The following CPQ variants were observed in gnomAD, a reference collection of about 807,000 sequenced individuals.
The protein encoded by CPQ is carboxypeptidase Q.
Under a neutral mutation model 45.7 loss-of-function variants are expected in CPQ, and 37 were observed. That is an observed-to-expected ratio of 0.81 (90% CI 0.62 to 1.07). The LOEUF is 1.07. Ranked by LOEUF, CPQ falls within the 50% of genes least tolerant of loss-of-function variation. CPQ has a pLI of 0.00. For synonymous variants in CPQ, 186 were observed against 205.8 expected (o/e 0.90, Z 0.82); for missense variants, 537 against 572.9 (o/e 0.94, Z 0.64).
At chr8:97,060,648 G>T (rs1348169253) in intron 6 of CPQ, among the ~76,000 whole-genome samples, 1 of 152,100 alleles carries the variant, frequency 6.6e-6, no homozygotes, top group Non-Finnish European at 1.5e-5. Flanking sequence ...GGTTATCTCA[G>T]CAATAAAGCA....
chr8:96,985,229 C>CT (rs1368635003), intron 5 of CPQ, among the ~76,000 whole-genome samples: 1 of 149,076 alleles, frequency 6.7e-6, no homozygotes, highest in African/African-American at 2.5e-5. Context: ...CTTGCTCTTA[C>CT]TTTTTTTTCT....
At chr8:96,755,736 C>A (rs1044816960) in intron 1 of CPQ, among the ~76,000 whole-genome samples, 6 of 151,788 alleles carry the variant, frequency 4.0e-5, no homozygotes, top group Non-Finnish European at 4.4e-5. Context: ...CTTCTCAAAT[C>A]GAAATTTTGT....
chr8:97,110,105 G>T (rs1160766724), intron 7 of CPQ, among the ~76,000 whole-genome samples: 29 of 152,106 alleles, frequency 1.9e-4, no homozygotes, highest in Admixed American at 1.9e-3. Flanking sequence ...CAGCACCCCA[G>T]ACATTTTCCC....
At chr8:96,733,287 A>G (rs186487586) in intron 1 of CPQ, among the ~76,000 whole-genome samples, 163 of 152,292 alleles carry the variant, frequency 1.1e-3, no homozygotes, top group African/African-American at 3.6e-3. Context: ...GCCTCTTCCA[A>G]TCCTACCAAA....
At chr8:96,962,774 A>G (rs1158707933) in intron 4 of CPQ, among the ~76,000 whole-genome samples, 1 of 152,342 alleles carries the variant, frequency 6.6e-6, no homozygotes, top group African/African-American at 2.4e-5. Flanking sequence ...GCAGAAGCTC[A>G]TATATTTGGA....
intron 1 of CPQ, among the ~76,000 whole-genome samples, chr8:96,740,333 A>C (rs1244187305): frequency 6.6e-6 from 1 of 152,152 alleles, no homozygotes; most frequent in Non-Finnish European, 1.5e-5. Flanking sequence ...ACTTTGCTGA[A>C]GTTGCTTATC....
chr8:97,100,641 A>T (rs1271864749), intron 7 of CPQ, among the ~76,000 whole-genome samples: 2 of 152,200 alleles, frequency 1.3e-5, no homozygotes, highest in Admixed American at 6.6e-5. Flanking sequence ...TACATAGAAC[A>T]TATATTTTTA....
intron 6 of CPQ, among the ~76,000 whole-genome samples, chr8:97,037,965 C>T (rs1003492159): frequency 2.6e-5 from 4 of 152,010 alleles, no homozygotes; most frequent in African/African-American, 9.7e-5. Flanking sequence ...TTATATTTTT[C>T]TATATAAGAG....
intron 4 of CPQ, among the ~76,000 whole-genome samples, chr8:96,962,110 G>T (rs1179327677): frequency 6.6e-6 from 1 of 152,148 alleles, no homozygotes; most frequent in Non-Finnish European, 1.5e-5. Context: ...CTTTCATCCA[G>T]TGCATTTCTG....
intron 4 of CPQ, among the ~76,000 whole-genome samples, chr8:96,888,338 C>T (rs1331561579): frequency 2.0e-5 from 3 of 152,062 alleles, no homozygotes; most frequent in Non-Finnish European, 4.4e-5. Flanking sequence ...TGGCTTAATC[C>T]TTCATCTATA....
chr8:96,656,012 G>A (rs1014527090), intron 1 of CPQ, among the ~76,000 whole-genome samples: 2 of 152,078 alleles, frequency 1.3e-5, no homozygotes, highest in Non-Finnish European at 2.9e-5. Context: ...TTGCCACCAT[G>A]CCTGGCTACT....
intron 7 of CPQ, among the ~76,000 whole-genome samples, chr8:97,111,567 T>A (rs1192745306): frequency 6.6e-6 from 1 of 152,206 alleles, no homozygotes; most frequent in Non-Finnish European, 1.5e-5. Flanking sequence ...TAGTCAGGAC[T>A]ATCTGCCTCC....
At chr8:97,054,157 C>A (rs2130510425) in intron 6 of CPQ, among the ~76,000 whole-genome samples, 3 of 152,020 alleles carry the variant, frequency 2.0e-5, no homozygotes, top group South Asian at 4.2e-4. Flanking sequence ...AAATGGCCAA[C>A]AAACATATGA....
intron 3 of CPQ, among the ~76,000 whole-genome samples, chr8:96,866,209 G>A (rs758726921): frequency 7.9e-5 from 12 of 152,040 alleles, no homozygotes; most frequent in Non-Finnish European, 1.6e-4. Context: ...TACAGAGCTA[G>A]AAACTTTTTG....
chr8:96,653,727 G>A (rs577643412), intron 1 of CPQ, among the ~76,000 whole-genome samples: 45 of 152,296 alleles, frequency 3.0e-4, no homozygotes, highest in South Asian at 4.1e-4. Context: ...TTAAGTGGAA[G>A]TGAATCACCA....
intron 5 of CPQ, among the ~76,000 whole-genome samples, chr8:96,983,513 AATGATTATATTG>A (rs1191166973): frequency 6.6e-6 from 1 of 152,146 alleles, no homozygotes; most frequent in East Asian, 1.9e-4. Context: ...TATTTTTTTA[AATGATTATATTG>A]ACTTGAAAAG....
At chr8:96,690,708 A>G (rs1169114937) in intron 1 of CPQ, among the ~76,000 whole-genome samples, 2 of 152,144 alleles carry the variant, frequency 1.3e-5, no homozygotes. Context: ...AGGGGAAATG[A>G]TGTGTGTCTG....
intron 4 of CPQ, among the ~76,000 whole-genome samples, chr8:96,941,541 A>G (rs1586460269): frequency 6.6e-6 from 1 of 152,056 alleles, no homozygotes; most frequent in South Asian, 2.1e-4. Flanking sequence ...AAACTGTACA[A>G]TATGGTTACT....
At chr8:96,966,446 A>G (rs1025142485) in intron 5 of CPQ, among the ~76,000 whole-genome samples, 3 of 152,244 alleles carry the variant, frequency 2.0e-5, no homozygotes, top group Non-Finnish European at 4.4e-5. Flanking sequence ...TCTTTCCATC[A>G]TAGAAATAAA....
Sources: gnomAD v4.1 joint callset for allele counts (sites outside exome capture counted in the v4.1 genomes callset) on GRCh38, gnomAD v4.1.1 for gene constraint, MANE v1.5 for transcripts, NCBI Gene and HGNC (gene_info 2026-07-23, HGNC 2026-07-21) for gene names.